Variants in CPNE8 observed in about 807,000 individuals in gnomAD.
The protein encoded by CPNE8 is copine 8.
Under a neutral mutation model 81.5 loss-of-function variants are expected in CPNE8, and 45 were observed. The ratio of observed to expected loss-of-function variants is 0.55; its 90% CI spans 0.44 to 0.71. CPNE8 has a LOEUF of 0.71. Ranked by LOEUF, CPNE8 falls within the 30% of genes least tolerant of loss-of-function variation. The probability of loss-of-function intolerance (pLI) is 0.00; values close to 1 mark genes in which losing one functional copy is unlikely to be tolerated. For missense variants in CPNE8, 594 were observed against 672.1 expected, an observed-to-expected ratio of 0.88 and a Z score of 1.28; for synonymous variants, 252 against 226.3, an observed-to-expected ratio of 1.11 and a Z score of -1.02.
At chr12:38,711,667 C>T (rs555046938) in intron 13 of CPNE8, among the ~76,000 whole-genome samples, 1 of 152,170 alleles carries the variant, frequency 6.6e-6, no homozygotes, top group South Asian at 2.1e-4. Context: ...CGGAGTTTCA[C>T]CATGTTGGCC....
upstream of CPNE8, chr12:38,905,889 G>A: frequency 1.0e-6 from 1 of 985,380 alleles, no homozygotes; most frequent in Non-Finnish European, 1.2e-6. Context: ...TGATGGAGAA[G>A]GTGGCACCAG....
At chr12:38,797,061 A>G (rs1942499588) in intron 6 of CPNE8, among the ~76,000 whole-genome samples, 1 of 152,168 alleles carries the variant, frequency 6.6e-6, no homozygotes, top group African/African-American at 2.4e-5. Context: ...AACTGGGTGG[A>G]GCCCACCACA....
intron 1 of CPNE8, among the ~76,000 whole-genome samples, chr12:38,888,953 C>G (rs1944273614): frequency 6.6e-6 from 1 of 152,142 alleles, no homozygotes; most frequent in Non-Finnish European, 1.5e-5. Flanking sequence ...CTTTCTTCAA[C>G]TATATATTGA....
At chr12:38,745,266 A>G (rs1941201727) in intron 10 of CPNE8, among the ~76,000 whole-genome samples, 1 of 152,212 alleles carries the variant, frequency 6.6e-6, no homozygotes, top group Non-Finnish European at 1.5e-5. Context: ...GATAAATCAC[A>G]TATCATACTT....
chr12:38,828,022 ATC>A (rs1310555574), intron 6 of CPNE8, among the ~76,000 whole-genome samples: 1 of 152,142 alleles, frequency 6.6e-6, no homozygotes, highest in East Asian at 1.9e-4. Context: ...ATTCATAAAA[ATC>A]TCTATTCTGT....
At chr12:38,666,443 A>G (rs1356154923) in intron 19 of CPNE8, among the ~76,000 whole-genome samples, 1 of 152,140 alleles carries the variant, frequency 6.6e-6, no homozygotes, top group Non-Finnish European at 1.5e-5. Flanking sequence ...CGGTATTTTT[A>G]GGAAGATATA....
At chr12:38,880,540 T>C (rs1301705751) in intron 1 of CPNE8, among the ~76,000 whole-genome samples, 1 of 152,222 alleles carries the variant, frequency 6.6e-6, no homozygotes, top group African/African-American at 2.4e-5. Flanking sequence ...ACAGCATCAC[T>C]GAGCCCCGTG....
intron 6 of CPNE8, among the ~76,000 whole-genome samples, chr12:38,794,483 A>T (rs960602124): frequency 7.6e-4 from 115 of 152,252 alleles, no homozygotes; most frequent in African/African-American, 2.7e-3. Flanking sequence ...CTGATTTAAA[A>T]ATGAGCATGG....
chr12:38,714,085 A>G (rs1241509749), intron 13 of CPNE8, among the ~76,000 whole-genome samples: 1 of 152,104 alleles, frequency 6.6e-6, no homozygotes, highest in African/African-American at 2.4e-5. Flanking sequence ...GACATAGAGG[A>G]CTAAAAGGCA....
At chr12:38,905,320 C>T in intron 1 of CPNE8, 117 bp downstream of exon 1, 1 of 1,191,350 alleles carries the variant, frequency 8.4e-7, no homozygotes, top group Admixed American at 2.1e-5. Context: ...GAGATATTTC[C>T]CACTCATGGC....
chr12:38,670,001 A>C (rs1336878461), intron 19 of CPNE8, among the ~76,000 whole-genome samples: 1 of 152,146 alleles, frequency 6.6e-6, no homozygotes, highest in Non-Finnish European at 1.5e-5. Flanking sequence ...AAGAGAGTGC[A>C]GTTTCTGATC....
intron 6 of CPNE8, among the ~76,000 whole-genome samples, chr12:38,803,759 C>G (rs1215595731): frequency 2.9e-5 from 4 of 138,312 alleles, no homozygotes; most frequent in Non-Finnish European, 6.3e-5. Context: ...TCTAGAAAAC[C>G]CCAACGTCTC....
At chr12:38,840,450 G>A (rs1011082548) in intron 4 of CPNE8, among the ~76,000 whole-genome samples, 5 of 152,002 alleles carry the variant, frequency 3.3e-5, no homozygotes, top group Admixed American at 6.6e-5. Flanking sequence ...GTTGCTACTG[G>A]GGGAACCTAG....
chr12:38,675,738 C>G lies in CPNE8; in HGVS notation c.1411G>C (p.Val471Leu). Residue 471 changes from valine (V) to leucine (L), a missense_variant, in exon 18 of 20, where the codon GTT becomes CTT. Physicochemically the swap from Val to Leu is conservative, Grantham distance 32. Transcript: ENST00000331366. ...TCACCATCAAATTCTGCTGGTCCAA[C>G]ACCTACTATAATTATTGACATTGGA... Reference protein sequence around the residue: ...KLPMSIIIVGVGPAEFDAMVE... With the variant: ...KLPMSIIIVGLGPAEFDAMVE... 3 of 1,604,660 alleles carry G rather than the reference C, an allele frequency of 1.9e-6. No homozygotes were observed. Among genetic ancestry groups the G allele is most frequent in the Non-Finnish European group, 2.6e-6 (3 of 1,171,790 alleles).
intron 1 of CPNE8, among the ~76,000 whole-genome samples, chr12:38,891,123 G>A (rs1944309096): frequency 6.6e-6 from 1 of 151,678 alleles, no homozygotes; most frequent in Non-Finnish European, 1.5e-5. Flanking sequence ...TAGAGATGGG[G>A]TTTTACCCTG....
At chr12:38,891,805 A>G (rs1195979978) in intron 1 of CPNE8, among the ~76,000 whole-genome samples, 3 of 152,244 alleles carry the variant, frequency 2.0e-5, no homozygotes, top group Non-Finnish European at 4.4e-5. Context: ...ATTCAAATTC[A>G]TAGATGTCCA....
At chr12:38,795,891 A>AGATAGATAGATAGATAGAT in intron 6 of CPNE8, among the ~76,000 whole-genome samples, 1 of 152,168 alleles carries the variant, frequency 6.6e-6, no homozygotes, top group Admixed American at 6.6e-5. Flanking sequence ...ATAGATAGAT[A>AGATAGATAGATAGATAGAT]GATAGATAGA....
chr12:38,668,482 C>G (rs1361660892), intron 19 of CPNE8, among the ~76,000 whole-genome samples: 2 of 152,252 alleles, frequency 1.3e-5, no homozygotes, highest in Non-Finnish European at 1.5e-5. Context: ...GTAATCTTAG[C>G]TATTTCCTAA....
rs1939161655 is a variant in CPNE8, at chr12:38,670,962, A to G, written c.1433-160T>C. The G allele has an allele frequency of 3.0e-5, 16 of 536,330 alleles. 1 individual carries two copies. The East Asian group carries it at 5.3e-4, about 18-fold the overall frequency. 33.2% of individuals were successfully genotyped at this position (536,330 alleles called of 1,614,324 possible). ...TGTCTTCATTCATTTCTCATACAAA[A>G]CTTGATTAAGTGTGCATTTTACAGA... On this transcript the variant is annotated intron_variant, in intron 18 of 19. Transcript: ENST00000331366.
Sources: allele counts gnomAD v4.1 joint callset (sites outside exome capture counted in the v4.1 genomes callset), GRCh38; gene constraint gnomAD v4.1.1; transcripts MANE v1.5; gene names NCBI Gene and HGNC (gene_info 2026-07-23, HGNC 2026-07-21).